Variants in ZC3H14 observed in about 807,000 individuals in gnomAD.
ZC3H14 encodes zinc finger CCCH-type containing 14.
A neutral mutation model predicts 92.4 loss-of-function variants in ZC3H14; 31 were observed. The observed-to-expected ratio is 0.34, with a 90% CI of 0.25 to 0.45. The LOEUF (loss-of-function observed/expected upper bound fraction) is 0.45. Among genes scored for constraint, ZC3H14 ranks in the 20% least tolerant of loss-of-function variants. ZC3H14 has a pLI of 1.00. For synonymous variants in ZC3H14, 321 were observed against 300.9 expected (o/e 1.07, Z -0.69); for missense variants, 781 against 897.3 (o/e 0.87, Z 1.66).
intron 9 of ZC3H14, among the ~76,000 whole-genome samples, chr14:88,588,142 G>T (rs28789732): frequency 6.6e-6 from 1 of 151,058 alleles, no homozygotes; most frequent in African/African-American, 2.4e-5. Flanking sequence ...TGAAATCTTT[G>T]GGTTTCCCAC....
Position 88,621,947 on chromosome 14 carries a change from ACAG to A in ZC3H14, c.*10197_*10199del. ...CGTGATTCTTAACTATAGTCATCCT[ACAG>A]TACTACAGAATACTAAAACATACTA... is the stretch of plus-strand genomic sequence containing the variant. On this transcript the variant is annotated 3_prime_UTR_variant, in exon 17 of 17. Transcript: ENST00000251038. 1 of 452,432 alleles carries A rather than the reference ACAG, an allele frequency of 2.2e-6. No homozygotes were observed. Among genetic ancestry groups the A allele is most frequent in the South Asian group, 1.6e-5 (1 of 63,634 alleles). 28.0% of individuals were successfully genotyped at this position (452,432 alleles called of 1,614,324 possible).
intron 10 of ZC3H14, among the ~76,000 whole-genome samples, chr14:88,601,294 G>T (rs1296893552): frequency 1.3e-5 from 2 of 152,142 alleles, no homozygotes; most frequent in African/African-American, 4.8e-5. Flanking sequence ...GTATTGATAG[G>T]TCAGCCATTC....
intron 3 of ZC3H14, 35 bp downstream of exon 3, chr14:88,568,188 T>C: frequency 6.4e-7 from 1 of 1,569,214 alleles, no homozygotes; most frequent in South Asian, 1.1e-5. Context: ...CAGACCAAAG[T>C]TTGGCACAAG....
intron 10 of ZC3H14, 23 bp downstream of exon 10, chr14:88,596,831 C>T: frequency 1.2e-6 from 2 of 1,601,644 alleles, no homozygotes; most frequent in East Asian, 2.2e-5. Flanking sequence ...TCAAGTTGTA[C>T]TGTAATCCAG....
In ZC3H14 at chr14:88,602,918, AGAG is replaced by A; in HGVS notation, c.1611_1613del (p.Glu537del). 6.2e-7 allele frequency: 1 copy of A among 1,614,168 alleles called. No homozygotes were observed. Among genetic ancestry groups the A allele is most frequent in the South Asian group, 1.1e-5 (1 of 91,072 alleles). ...GCCCCCCAGGATACATGTCAGATCA[AGAG>A]GAGGACATGTGCTTTGAAGGAATGA... On this transcript the variant is annotated inframe_deletion, in exon 12 of 17. Transcript: ENST00000251038.
rs184503352 is a variant in ZC3H14, at chr14:88,622,794, A to G, written c.*11043A>G. On this transcript the variant is annotated 3_prime_UTR_variant, in exon 17 of 17. Coordinates refer to ENST00000251038, the MANE Select transcript of ZC3H14 (RefSeq NM_024824.5). Reference sequence around the variant, plus strand: ...TTTTATTATAAACAAATACCAAGTTATAAGCAGAATCTTTTTTTTTTAAAA... The same window carrying G: ...TTTTATTATAAACAAATACCAAGTTGTAAGCAGAATCTTTTTTTTTTAAAA... 1.0e-6 allele frequency: 1 copy of G among 970,054 alleles called. No individual in the cohort carries two copies. Among genetic ancestry groups the G allele is most frequent in the African/African-American group, 2.1e-5 (1 of 47,856 alleles). 60.1% of individuals were successfully genotyped at this position (970,054 alleles called of 1,614,324 possible). A position where few individuals can be genotyped will look rare whatever the true frequency, so the allele number is the denominator to read the frequency against.
rs76555120 is a variant in ZC3H14, at chr14:88,577,026, C to T, written c.1124-959C>T. Among the ~76,000 whole-genome samples the T allele has an allele frequency of 1.6e-3, 249 of 152,192 alleles. 2 individuals carry two copies. Among genetic ancestry groups the T allele is most frequent in the African/African-American group, 5.7e-3 (235 of 41,532 alleles). Reference sequence around the variant, plus strand: ...CAGGCTGGTCTCGTACTCCTGACCTCAGGTGATCACCTGCCTCCTCGGCCT... The same window carrying T: ...CAGGCTGGTCTCGTACTCCTGACCTTAGGTGATCACCTGCCTCCTCGGCCT... On this transcript the variant is annotated intron_variant, in intron 8 of 16. Coordinates refer to ENST00000251038, the MANE Select transcript of ZC3H14 (RefSeq NM_024824.5).
intron 12 of ZC3H14, among the ~76,000 whole-genome samples, chr14:88,603,499 T>C (rs1399986010): frequency 6.6e-6 from 1 of 152,234 alleles, no homozygotes; most frequent in Non-Finnish European, 1.5e-5. Flanking sequence ...TCACCTAATC[T>C]ATCAAGATCT....
intron 8 of ZC3H14, 24 bp downstream of exon 8, chr14:88,575,964 C>T (rs747451115): frequency 1.3e-6 from 2 of 1,550,324 alleles, no homozygotes; most frequent in South Asian, 1.1e-5. Context: ...ATTATGTTTA[C>T]ACTTGGTAAG....
intron 11 of ZC3H14, 82 bp downstream of exon 11, chr14:88,602,165 C>T: frequency 6.3e-7 from 1 of 1,589,740 alleles, no homozygotes; most frequent in Non-Finnish European, 8.6e-7. Flanking sequence ...CTTCCCTCCT[C>T]CCCGCCCTAA....
Position 88,596,749 on chromosome 14 carries a change from AATT to A in ZC3H14, c.1301_1303del (p.Leu434del), listed in dbSNP as rs756082094. 2.9e-5 allele frequency: 47 copies of A among 1,613,944 alleles called. 1 individual carries two copies. The highest frequency in any genetic ancestry group is 1.9e-4 in the South Asian group (17 of 91,090). The stretch of plus-strand genomic sequence containing the variant: ...TATATTCTAGGAACTCAACAGAGGC[AATT>A]ATTATCCCGACTGCAAATCGACCCA... On this transcript the variant is annotated inframe_deletion, in exon 10 of 17. Coordinates refer to ENST00000251038, the MANE Select transcript of ZC3H14 (RefSeq NM_024824.5).
intron 10 of ZC3H14, among the ~76,000 whole-genome samples, chr14:88,599,353 A>G (rs897975158): frequency 6.6e-6 from 1 of 152,154 alleles, no homozygotes; most frequent in Non-Finnish European, 1.5e-5. Context: ...TTTCTTTGTG[A>G]GTTTATGCTT....
At chr14:88,587,523 A>C (rs2082604420) in intron 9 of ZC3H14, among the ~76,000 whole-genome samples, 1 of 151,994 alleles carries the variant, frequency 6.6e-6, no homozygotes, top group South Asian at 2.1e-4. Context: ...TCCTGCCTCC[A>C]CCTTCTAAAT....
chr14:88,619,725 G>A lies in ZC3H14; in HGVS notation c.*7974G>A, dbSNP rs1168248614. On this transcript the variant is annotated 3_prime_UTR_variant, in exon 17 of 17. Coordinates refer to ENST00000251038, the MANE Select transcript of ZC3H14 (RefSeq NM_024824.5). Reference sequence around the variant, plus strand: ...GACGAAGTCTCGCTCTTGTCTCCCAGGCTGGAGTGCGATGGCGCAACCTCC... The same window carrying A: ...GACGAAGTCTCGCTCTTGTCTCCCAAGCTGGAGTGCGATGGCGCAACCTCC... 2 of 152,040 alleles carry A rather than the reference G, an allele frequency of 1.3e-5. No homozygotes were observed. The highest frequency in any genetic ancestry group is 3.9e-4 in the East Asian group (2 of 5,150). 9.4% of individuals were successfully genotyped at this position (152,040 alleles called of 1,614,324 possible). A position where few individuals can be genotyped will look rare whatever the true frequency, so the allele number is the denominator to read the frequency against.
intron 13 of ZC3H14, 28 bp from the exon 14 acceptor site, chr14:88,609,239 T>C: frequency 1.9e-6 from 3 of 1,613,598 alleles, no homozygotes; most frequent in Admixed American, 1.7e-5. Context: ...AGATTGAATA[T>C]GAAATATGCT....
intron 10 of ZC3H14, among the ~76,000 whole-genome samples, chr14:88,597,949 T>G (rs548881148): frequency 1.3e-5 from 2 of 152,330 alleles, no homozygotes; most frequent in South Asian, 2.1e-4. Flanking sequence ...TTTTTTATTC[T>G]AAGATCCCTT....
At chr14:88,581,731 G>A (rs1382156507) in intron 9 of ZC3H14, among the ~76,000 whole-genome samples, 2 of 152,136 alleles carry the variant, frequency 1.3e-5, no homozygotes, top group African/African-American at 4.8e-5. Flanking sequence ...CGCCAACTTA[G>A]AGGTTTCCAT....
chr14:88,573,414 A>G (rs894936062), intron 6 of ZC3H14, among the ~76,000 whole-genome samples: 3 of 151,994 alleles, frequency 2.0e-5, no homozygotes, highest in Non-Finnish European at 4.4e-5. Context: ...CAAAAAAAAC[A>G]CATATTCCAA....
In ZC3H14 at chr14:88,578,118, A is replaced by T; in HGVS notation, c.1257A>T (p.Gly419=). ...CCATTAAAGAAGAGGAAACAAAAGG[A>T]GATTCTGTAGAAAAAAATCAAGGTA... is the stretch of plus-strand genomic sequence containing the variant. ...SPPIKEEETK[G]DSVEKNQGTQ... Residue 419 remains glycine, a synonymous_variant, in exon 9 of 17, where the codon GGA becomes GGT. Coordinates refer to ENST00000251038, the MANE Select transcript of ZC3H14 (RefSeq NM_024824.5). 1 of 1,614,102 alleles carries T rather than the reference A, an allele frequency of 6.2e-7. No homozygotes were observed. Among genetic ancestry groups the T allele is most frequent in the Non-Finnish European group, 8.5e-7 (1 of 1,180,008 alleles).
Sources: allele counts gnomAD v4.1 joint callset (sites outside exome capture counted in the v4.1 genomes callset), GRCh38; gene constraint gnomAD v4.1.1; transcripts MANE v1.5; gene names NCBI Gene and HGNC (gene_info 2026-07-23, HGNC 2026-07-21).